GK: variants seen among roughly 807,000 people sequenced by gnomAD.
GK encodes glycerol kinase.
A neutral mutation model predicts 56.4 loss-of-function variants in GK; 9 were observed. The observed-to-expected ratio is 0.16, with a 90% confidence interval of 0.10 to 0.28. The LOEUF (loss-of-function observed/expected upper bound fraction) is 0.28, where lower values mean the gene tolerates loss of function less well. GK is among the 10% of genes least tolerant of loss of function. GK has a pLI of 1.00. For missense variants in GK, 161 were observed against 431.4 expected (o/e 0.37, Z 5.55); for synonymous variants, 104 against 144.1 (o/e 0.72, Z 1.99).
chrX:30,722,540 C>A (rs1326510826), intron 18 of GK, among the ~76,000 whole-genome samples: 1 of 111,522 alleles, frequency 9.0e-6, no homozygotes, highest in Non-Finnish European at 1.9e-5. Context: ...ATTGTCCTCC[C>A]TCTCACCAGC....
rs1462154957 is a variant in GK, at chrX:30,707,935, T to TA, written c.895-114dup. The TA allele has an allele frequency of 4.9e-5, 24 of 490,684 alleles. No individual in the cohort carries two copies. In the South Asian group the frequency reaches 6.9e-4, roughly 14 times the overall value. The allele number at this position is 490,684 out of a possible 1,213,427, so 40.4% of individuals were successfully genotyped here. ...TCGTTTTGACTGTAAGGATTTATTTTAAAAATTGGTTTATTGATTGCATTA... is the reference window on the plus strand; with the variant it reads ...TCGTTTTGACTGTAAGGATTTATTTTAAAAAATTGGTTTATTGATTGCATTA... On this transcript the variant is annotated intron_variant, in intron 12 of 20. Transcript: ENST00000427190.
At chrX:30,657,889 A>G (rs1421564618) in intron 1 of GK, among the ~76,000 whole-genome samples, 1 of 112,429 alleles carries the variant, frequency 8.9e-6, no homozygotes. Flanking sequence ...AATCTTCACC[A>G]AGAAAAACAT....
intron 13 of GK, among the ~76,000 whole-genome samples, chrX:30,708,528 T>C (rs1396799969): frequency 9.0e-6 from 1 of 110,960 alleles, no homozygotes; most frequent in Non-Finnish European, 1.9e-5. Context: ...TGGGCACAAA[T>C]AGGCAGAACA....
rs747478327 is a variant in GK at position 30,696,165 on chromosome X, T to G, written c.662+14T>G. 1 of 918,420 alleles carries G rather than the reference T, an allele frequency of 1.1e-6. No homozygotes were observed. The highest frequency in any genetic ancestry group is 1.9e-5 in the African/African-American group (1 of 51,865). The allele number at this position is 918,420 out of a possible 1,213,427, so 75.7% of individuals were successfully genotyped here. On this transcript the variant is annotated intron_variant, in intron 7 of 20. Coordinates refer to ENST00000427190, the MANE Select transcript of GK (RefSeq NM_001205019.2). ...ACAACTCTGCGAGTAAGTTCTGTTTTGCTCTAAATATAGTTTTCCCAATAC... is the reference window on the plus strand; with the variant it reads ...ACAACTCTGCGAGTAAGTTCTGTTTGGCTCTAAATATAGTTTTCCCAATAC...
intron 3 of GK, among the ~76,000 whole-genome samples, chrX:30,669,348 A>G (rs772913542): frequency 7.3e-5 from 8 of 109,281 alleles, no homozygotes; most frequent in Non-Finnish European, 1.5e-4. Context: ...ATGCCCGGCT[A>G]ATTTTTTGTA....
chrX:30,681,039 T>C (rs982496395), intron 4 of GK, among the ~76,000 whole-genome samples: 10 of 111,812 alleles, frequency 8.9e-5, no homozygotes, highest in Non-Finnish European at 1.3e-4. Flanking sequence ...CAACATCATC[T>C]AGAGCCTCAA....
chrX:30,666,526 T>C (rs1440226728), intron 2 of GK, among the ~76,000 whole-genome samples: 2 of 112,031 alleles, frequency 1.8e-5, no homozygotes, highest in Non-Finnish European at 3.8e-5. Flanking sequence ...AAATATTTTG[T>C]ATCTTGACTG....
intron 2 of GK, among the ~76,000 whole-genome samples, chrX:30,666,943 A>C (rs371406828): frequency 9.0e-6 from 1 of 111,233 alleles, no homozygotes; most frequent in African/African-American, 3.3e-5. Context: ...TCATGAGGTC[A>C]GGAGATCGAG....
chrX:30,678,756 G>A (rs1485764290), intron 4 of GK, among the ~76,000 whole-genome samples: 2 of 97,590 alleles, frequency 2.0e-5, no homozygotes, highest in African/African-American at 7.7e-5. Context: ...ACACAATCTC[G>A]GCTCACTGCA....
chrX:30,685,515 T>C (rs1320367514), intron 4 of GK, among the ~76,000 whole-genome samples: 1 of 112,004 alleles, frequency 8.9e-6, no homozygotes, highest in African/African-American at 3.2e-5. Context: ...TTTATTAAGA[T>C]CCACTTATTT....
At chrX:30,665,705 T>C (rs1933030674) in intron 2 of GK, 121 bp downstream of exon 2, 2 of 489,882 alleles carry the variant, frequency 4.1e-6, no homozygotes, top group South Asian at 6.1e-5. Context: ...ATTTGAAAGG[T>C]TGTTATTAGT....
chrX:30,683,170 A>G (rs752616114), intron 4 of GK, among the ~76,000 whole-genome samples: 1 of 111,080 alleles, frequency 9.0e-6, no homozygotes, highest in African/African-American at 3.3e-5. Flanking sequence ...TTTCTGTCTT[A>G]CTAAATTATA....
intron 3 of GK, among the ~76,000 whole-genome samples, chrX:30,669,451 G>T (rs1933329058): frequency 9.0e-6 from 1 of 110,844 alleles, no homozygotes; most frequent in Non-Finnish European, 1.9e-5. Flanking sequence ...CAAAGTGTTG[G>T]GATTACAGGC....
intron 1 of GK, among the ~76,000 whole-genome samples, chrX:30,656,476 C>T (rs1043318124): frequency 5.4e-5 from 6 of 111,900 alleles, no homozygotes; most frequent in African/African-American, 2.0e-4. Context: ...AAGGCTTTAT[C>T]TGTGCTCTTT....
intron 11 of GK, among the ~76,000 whole-genome samples, chrX:30,704,128 T>A (rs866266736): frequency 1.3e-5 from 1 of 74,936 alleles, no homozygotes; most frequent in African/African-American, 7.1e-5. Flanking sequence ...GTTATTCATT[T>A]TATATATATA....
intron 1 of GK, among the ~76,000 whole-genome samples, chrX:30,657,040 G>A (rs181113226): frequency 5.4e-5 from 6 of 111,101 alleles, no homozygotes; most frequent in Admixed American, 9.6e-5. Context: ...TAGTAGAGAC[G>A]GGGTTTCACC....
chrX:30,703,195 G>A (rs1394852484), intron 11 of GK, among the ~76,000 whole-genome samples: 1 of 112,340 alleles, frequency 8.9e-6, no homozygotes. Context: ...TTTAGAGAAT[G>A]TAGAGAACAT....
chrX:30,701,190 A>G (rs953299291), intron 11 of GK, among the ~76,000 whole-genome samples: 1 of 111,894 alleles, frequency 8.9e-6, no homozygotes, highest in African/African-American at 3.3e-5. Flanking sequence ...CAGGTGGATC[A>G]CCTGAGGCCG....
intron 4 of GK, among the ~76,000 whole-genome samples, chrX:30,680,598 T>C (rs1934231212): frequency 9.0e-6 from 1 of 111,691 alleles, no homozygotes; most frequent in Admixed American, 9.6e-5. Flanking sequence ...CCAGAAAAGC[T>C]GGATGAAAAT....
Sources: gnomAD v4.1 joint callset for allele counts (sites outside exome capture counted in the v4.1 genomes callset) on GRCh38, gnomAD v4.1.1 for gene constraint, MANE v1.5 for transcripts, NCBI Gene and HGNC (gene_info 2026-07-23, HGNC 2026-07-21) for gene names.